Variants in NRXN1 observed in about 807,000 individuals in gnomAD.
The protein encoded by NRXN1 is neurexin 1.
NRXN1 carries 39 observed loss-of-function variants against 150.9 expected under a neutral mutation model. That is an observed-to-expected ratio of 0.26 (90% confidence interval 0.20 to 0.34). The LOEUF (loss-of-function observed/expected upper bound fraction) is 0.34, where lower values mean the gene tolerates loss of function less well. Ranked by LOEUF, NRXN1 falls within the 10% of genes least tolerant of loss-of-function variation. The pLI is 1.00. For synonymous variants in NRXN1, 924 were observed against 757.0 expected (o/e 1.22, Z -3.62); for missense variants, 1,815 against 1,949.9 (o/e 0.93, Z 1.30).
chr2:50,468,734 G>T (rs901453842), intron 16 of NRXN1, among the ~76,000 whole-genome samples: 1 of 151,270 alleles, frequency 6.6e-6, no homozygotes, highest in African/African-American at 2.4e-5. Context: ...TACTAGGTGT[G>T]GGACTTTAGG....
At chr2:50,139,902 T>G (rs1257621323) in intron 18 of NRXN1, among the ~76,000 whole-genome samples, 1 of 152,178 alleles carries the variant, frequency 6.6e-6, no homozygotes, top group East Asian at 1.9e-4. Context: ...TGTTAAAATA[T>G]ATCAAATATT....
chr2:51,010,701 A>T (rs949540951), intron 2 of NRXN1, among the ~76,000 whole-genome samples: 1 of 152,046 alleles, frequency 6.6e-6, no homozygotes, highest in Non-Finnish European at 1.5e-5. Flanking sequence ...AAGAACTATA[A>T]TAATACACAC....
intron 17 of NRXN1, among the ~76,000 whole-genome samples, chr2:50,334,188 A>G (rs2152987151): frequency 1.2e-5 from 1 of 85,332 alleles, no homozygotes; most frequent in South Asian, 3.5e-4. Context: ...TAAGACCAGG[A>G]CCAAATATAT....
At chr2:51,001,557 A>G (rs772438431) in intron 2 of NRXN1, among the ~76,000 whole-genome samples, 3 of 152,020 alleles carry the variant, frequency 2.0e-5, no homozygotes, top group Non-Finnish European at 4.4e-5. Flanking sequence ...AGGGAGATCA[A>G]TTAAGCATAC....
rs561981566 is a variant in NRXN1, at chr2:50,446,161, G to T, written c.3364+19281C>A. Among the ~76,000 whole-genome samples, 17 of 152,002 alleles carry T rather than the reference G, an allele frequency of 1.1e-4. No homozygotes were observed. The South Asian group carries it at 3.3e-3, about 30-fold the overall frequency. Reference sequence around the variant, plus strand: ...AAAAAGAAAGGTGTGCCTTCATCAAGACACATAGTTGCAGAAAACCGTATC... The same window carrying T: ...AAAAAGAAAGGTGTGCCTTCATCAATACACATAGTTGCAGAAAACCGTATC... On this transcript the variant is annotated intron_variant, in intron 17 of 22. Coordinates refer to ENST00000401669, the MANE Select transcript of NRXN1 (RefSeq NM_001330078.2).
chr2:50,491,564 GA>G (rs2091256278), intron 15 of NRXN1, among the ~76,000 whole-genome samples: 1 of 152,136 alleles, frequency 6.6e-6, no homozygotes, highest in Non-Finnish European at 1.5e-5. Context: ...AAAGGGGCAA[GA>G]TCAGAAGACA....
chr2:49,987,254 G>C (rs1246630267), intron 21 of NRXN1, among the ~76,000 whole-genome samples: 2 of 151,890 alleles, frequency 1.3e-5, no homozygotes, highest in Non-Finnish European at 2.9e-5. Context: ...CCACATATGA[G>C]TGAGAACATG....
intron 16 of NRXN1, 39 bp downstream of exon 16, chr2:50,472,259 A>G (rs766501247): frequency 6.8e-7 from 1 of 1,473,274 alleles, no homozygotes; most frequent in Non-Finnish European, 9.1e-7. Context: ...GACAGGTGGA[A>G]TTAGAATTAT....
At chr2:50,804,136 G>C (rs988080027) in intron 5 of NRXN1, among the ~76,000 whole-genome samples, 1 of 152,074 alleles carries the variant, frequency 6.6e-6, no homozygotes. Context: ...TTCTCGAAAT[G>C]AAATCAATCT....
chr2:50,459,275 C>G (rs1001727937), intron 17 of NRXN1, among the ~76,000 whole-genome samples: 1 of 152,116 alleles, frequency 6.6e-6, no homozygotes, highest in Non-Finnish European at 1.5e-5. Flanking sequence ...TTGCTCTCTT[C>G]AAATATCTTC....
chr2:50,420,806 A>C (rs1451772113), intron 17 of NRXN1, among the ~76,000 whole-genome samples: 1 of 152,018 alleles, frequency 6.6e-6, no homozygotes, highest in Non-Finnish European at 1.5e-5. Context: ...TGCTGTGGTA[A>C]TCCTATTAGG....
At chr2:50,012,760 A>G (rs1220312972) in intron 21 of NRXN1, among the ~76,000 whole-genome samples, 1 of 152,178 alleles carries the variant, frequency 6.6e-6, no homozygotes, top group Admixed American at 6.6e-5. Context: ...AAAAAGAAGT[A>G]GTTGACCTTT....
At chr2:50,400,768 A>T (rs1305913416) in intron 17 of NRXN1, among the ~76,000 whole-genome samples, 16 of 152,222 alleles carry the variant, frequency 1.1e-4, no homozygotes, top group Admixed American at 9.8e-4. Context: ...GGGCAAACAA[A>T]GAGGAATGTT....
At chr2:49,950,915 C>A (rs1012756915) in intron 21 of NRXN1, among the ~76,000 whole-genome samples, 1 of 151,918 alleles carries the variant, frequency 6.6e-6, no homozygotes, top group African/African-American at 2.4e-5. Flanking sequence ...ATGCCCTAGG[C>A]TATTACAAAA....
chr2:49,956,933 TG>T (rs1316173765), intron 21 of NRXN1, among the ~76,000 whole-genome samples: 2 of 152,240 alleles, frequency 1.3e-5, no homozygotes, highest in African/African-American at 4.8e-5. Context: ...TAATCATGAA[TG>T]GGTAGGGGAA....
intron 17 of NRXN1, among the ~76,000 whole-genome samples, chr2:50,374,347 GTGA>G (rs887269739): frequency 7.2e-6 from 1 of 139,300 alleles, no homozygotes; most frequent in South Asian, 2.3e-4. Context: ...ATAAAATTGG[GTGA>G]TGATTTCATT....
intron 2 of NRXN1, among the ~76,000 whole-genome samples, chr2:51,024,348 C>T (rs1670091974): frequency 6.6e-6 from 1 of 152,086 alleles, no homozygotes; most frequent in Admixed American, 6.6e-5. Context: ...GTTCTATCAG[C>T]CATTTTTACG....
intron 5 of NRXN1, among the ~76,000 whole-genome samples, chr2:50,671,887 A>T (rs1688904827): frequency 6.6e-6 from 1 of 151,894 alleles, no homozygotes; most frequent in African/African-American, 2.4e-5. Context: ...GACAAACCCA[A>T]AAAGAAAATA....
chr2:50,766,954 A>C (rs1428819324), intron 5 of NRXN1, among the ~76,000 whole-genome samples: 2 of 152,120 alleles, frequency 1.3e-5, no homozygotes, highest in Non-Finnish European at 2.9e-5. Flanking sequence ...ATGGGAAAAT[A>C]ATTTTTAAAC....
Sources: gnomAD v4.1 joint callset for allele counts (sites outside exome capture counted in the v4.1 genomes callset) on GRCh38, gnomAD v4.1.1 for gene constraint, MANE v1.5 for transcripts, NCBI Gene and HGNC (gene_info 2026-07-23, HGNC 2026-07-21) for gene names.